Variants in LTV1 observed in about 807,000 individuals in gnomAD.
LTV1 encodes LTV1 ribosome biogenesis factor, also known as protein LTV1 homolog.
In LTV1, 39 loss-of-function variants were observed where a neutral mutation model predicts 59.9. The ratio of observed to expected loss-of-function variants is 0.65; its 90% confidence interval spans 0.50 to 0.85. The LOEUF is 0.85. Ranked by LOEUF, LTV1 falls within the 40% of genes least tolerant of loss-of-function variation. LTV1 has a pLI of 0.00. For missense variants in LTV1, 493 were observed against 549.1 expected, an observed-to-expected ratio of 0.90 and a Z score of 1.02; for synonymous variants, 171 against 189.5, an observed-to-expected ratio of 0.90 and a Z score of 0.80.
rs1373181434 is a variant in LTV1 at position 143,844,529 on chromosome 6, T to C, written c.47T>C (p.Val16Ala). The C allele has an allele frequency of 6.2e-7, 1 of 1,614,120 alleles. No individual in the cohort carries two copies. The highest frequency in any genetic ancestry group is 2.2e-5 in the East Asian group (1 of 44,880). ...CCCTTTATAGAGAAGAAGAAAGCTG[T>C]GTCTTTTCACTTGGTCCACCGGAGC... ...KKPFIEKKKA[V>A]SFHLVHRSQR... The change falls in exon 2 of 11, where the codon GTG becomes GCG. Residue 16 changes from valine to alanine, a missense_variant. Physicochemically the swap from Val to Ala is moderately conservative, Grantham distance 64. Transcript: ENST00000367576.
rs888874891 is a variant in LTV1, at chr6:143,855,206, T to G, written c.398-2097T>G. ...TTCCCTTTACTATTATGTAATGCCC[T>G]TCTTTGTGTTTTTTGATCTTTGTTG... is the stretch of plus-strand genomic sequence containing the variant. On this transcript the variant is annotated intron_variant, in intron 4 of 10. Transcript: ENST00000367576. This position sits in a 1 kb window ranked among gnomAD's most constrained non-coding sequence, Gnocchi z 4.6. Among the ~76,000 whole-genome samples the G allele has an allele frequency of 6.6e-6, 1 of 152,200 alleles. No individual in the cohort carries two copies. The highest frequency in any genetic ancestry group is 2.4e-5 in the African/African-American group (1 of 41,444).
At chr6:143,853,400 A>T (rs531839884) in intron 4 of LTV1, among the ~76,000 whole-genome samples, 1 of 152,270 alleles carries the variant, frequency 6.6e-6, no homozygotes, top group South Asian at 2.1e-4. Flanking sequence ...ATAGACAGTG[A>T]TGTTAATCTG....
At position 143,855,926 on chromosome 6, in the gene LTV1, G is replaced by C. The variant is rs1359673946; in HGVS notation, c.398-1377G>C. ...GAATCTGACGATTATGTGTCTTGGG[G>C]TTGCTCTTCTCGAGGAGTATCTTTG... On this transcript the variant is annotated intron_variant, in intron 4 of 10. Transcript: ENST00000367576. The surrounding 1 kb of genome is among the most constrained non-coding windows in gnomAD (Gnocchi z 4.6). Among the ~76,000 whole-genome samples, 1 of 151,938 alleles carries C rather than the reference G, an allele frequency of 6.6e-6. No homozygotes were observed. Among genetic ancestry groups the C allele is most frequent in the Non-Finnish European group, 1.5e-5 (1 of 67,994 alleles).
intron 3 of LTV1, among the ~76,000 whole-genome samples, chr6:143,848,638 A>G (rs547169332): frequency 2.6e-5 from 4 of 152,180 alleles, no homozygotes; most frequent in Non-Finnish European, 5.9e-5. Flanking sequence ...CACGTTATGA[A>G]CTGTTTGGTC....
At chr6:143,856,763 G>A (rs917230601) in intron 4 of LTV1, among the ~76,000 whole-genome samples, 11 of 152,206 alleles carry the variant, frequency 7.2e-5, no homozygotes, top group Admixed American at 7.2e-4. Flanking sequence ...ACCAGCAGAG[G>A]CTGCAGAACA....
At chr6:143,854,209 T>A (rs1344480322) in intron 4 of LTV1, among the ~76,000 whole-genome samples, 1 of 152,230 alleles carries the variant, frequency 6.6e-6, no homozygotes, top group African/African-American at 2.4e-5. Context: ...TTTATCCATT[T>A]CTTCTAGATT....
At chr6:143,858,107 A>G (rs1777109509) in intron 6 of LTV1, 100 bp downstream of exon 6, 1 of 1,083,604 alleles carries the variant, frequency 9.2e-7, no homozygotes, top group Admixed American at 2.1e-5. Context: ...CTCACCAACC[A>G]CAAAGTCAAT....
rs78987292 is a variant in LTV1 at position 143,848,870 on chromosome 6, C to G, written c.310-1261C>G. Among the ~76,000 whole-genome samples the G allele has an allele frequency of 8.8e-3, 1,341 of 152,304 alleles. 20 individuals carry two copies. Among genetic ancestry groups the G allele is most frequent in the African/African-American group, 0.031 (1,292 of 41,550 alleles). ...AACATTTTCAGTCAGGCTGCCGAGA[C>G]AGTGAGCACTGTGGTTCCGTGTCAG... On this transcript the variant is annotated intron_variant, in intron 3 of 10. Coordinates refer to ENST00000367576, the MANE Select transcript of LTV1 (RefSeq NM_032860.5).
rs1291403433 is a variant in LTV1 at position 143,857,610 on chromosome 6, A to G, written c.540-142A>G. 2.7e-6 allele frequency: 3 copies of G among 1,116,068 alleles called. No homozygotes were observed. The highest frequency in any genetic ancestry group is 3.1e-5 in the African/African-American group (2 of 63,832). The allele number at this position is 1,116,068 out of a possible 1,614,324, so 69.1% of individuals were successfully genotyped here. A position where few individuals can be genotyped will look rare whatever the true frequency, so the allele number is the denominator to read the frequency against. ...TGAGATTCATTGCTTTTCCTACCAA[A>G]CCAGATTGATCAAACACCCTCACTC... On this transcript the variant is annotated intron_variant, in intron 5 of 10. Coordinates refer to ENST00000367576, the MANE Select transcript of LTV1 (RefSeq NM_032860.5). This position sits in a 1 kb window ranked among gnomAD's most constrained non-coding sequence, Gnocchi z 5.2.
chr6:143,846,236 C>A lies in LTV1; in HGVS notation c.309+12C>A, dbSNP rs749948595. 279 of 1,603,052 alleles carry A rather than the reference C, an allele frequency of 1.7e-4. No homozygotes were observed. In the Admixed American group the frequency reaches 4.6e-3, roughly 27 times the overall value. On this transcript the variant is annotated intron_variant, in intron 3 of 10. Transcript: ENST00000367576. The stretch of plus-strand genomic sequence containing the variant: ...CGCTAGTAATTCCAGTAAGGCTTTT[C>A]AGCAATTTAATTGTGGGAGTGAGGT...
At chr6:143,859,350 C>A (rs1777126088) in intron 6 of LTV1, among the ~76,000 whole-genome samples, 1 of 152,172 alleles carries the variant, frequency 6.6e-6, no homozygotes, top group Non-Finnish European at 1.5e-5. Context: ...CTCCTAACAT[C>A]ATCTCTAATG....
chr6:143,844,533 T>C lies in LTV1; in HGVS notation c.51T>C (p.Ser17=). Residue 17 remains serine (S), a synonymous_variant, in exon 2 of 11, where the codon TCT becomes TCC. Coordinates refer to ENST00000367576, the MANE Select transcript of LTV1 (RefSeq NM_032860.5). ...TTATAGAGAAGAAGAAAGCTGTGTC[T>C]TTTCACTTGGTCCACCGGAGCCAAC... ...KPFIEKKKAV[S]FHLVHRSQRD... 6.2e-7 allele frequency: 1 copy of C among 1,614,132 alleles called. No individual in the cohort carries two copies. The highest frequency in any genetic ancestry group is 8.5e-7 in the Non-Finnish European group (1 of 1,180,006).
At chr6:143,844,273 G>A (rs1383987762) in intron 1 of LTV1, among the ~76,000 whole-genome samples, 2 of 152,192 alleles carry the variant, frequency 1.3e-5, no homozygotes, top group African/African-American at 2.4e-5. Flanking sequence ...CCCATAACAA[G>A]GTCTGGCACA....
At chr6:143,843,789 A>G (rs914406999) in intron 1 of LTV1, among the ~76,000 whole-genome samples, 3 of 151,838 alleles carry the variant, frequency 2.0e-5, no homozygotes, top group Non-Finnish European at 2.9e-5. Flanking sequence ...CAAACGCGCA[A>G]CCCTGTGCTT....
chr6:143,849,506 G>T (rs1776947450), intron 3 of LTV1, among the ~76,000 whole-genome samples: 1 of 152,158 alleles, frequency 6.6e-6, no homozygotes, highest in Non-Finnish European at 1.5e-5. Context: ...GTAAAACATG[G>T]TGATACCTCA....
At chr6:143,860,208 C>G (rs998070413) in intron 6 of LTV1, among the ~76,000 whole-genome samples, 1 of 152,140 alleles carries the variant, frequency 6.6e-6, no homozygotes, top group Non-Finnish European at 1.5e-5. Flanking sequence ...TAAATGGAAG[C>G]CTATTTTTAG....
Position 143,862,921 on chromosome 6 carries a change from T to G in LTV1, c.1116+25T>G, listed in dbSNP as rs768131855. On this transcript the variant is annotated intron_variant, in intron 9 of 10. Coordinates refer to ENST00000367576, the MANE Select transcript of LTV1 (RefSeq NM_032860.5). This position sits in a 1 kb window ranked among gnomAD's most constrained non-coding sequence, Gnocchi z 4.2. ...GGTAAGTCCTAGTGTGCTGAGCTAT[T>G]TGAAGGATGCAGTGCATAAAAAATA... 16 of 1,558,860 alleles carry G rather than the reference T, an allele frequency of 1.0e-5. No individual in the cohort carries two copies. The Admixed American group carries it at 2.7e-4, about 26-fold the overall frequency.
chr6:143,845,916 T>C, intron 2 of LTV1, 135 bp from the exon 3 acceptor site: 1 of 696,228 alleles, frequency 1.4e-6, no homozygotes, highest in Non-Finnish European at 2.3e-6. Flanking sequence ...TCAGCCAAAA[T>C]GTTCATGTGC....
rs753891383 is a variant in LTV1 at position 143,860,437 on chromosome 6, A to G, written c.807A>G (p.Gln269=). The change falls in exon 7 of 11, where the codon CAA becomes CAG. Residue 269 remains glutamine, a synonymous_variant. Coordinates refer to ENST00000367576, the MANE Select transcript of LTV1 (RefSeq NM_032860.5). ...TGTTTATATTCAAGTTTTATGAGCA[A>G]TATGATGATGATGAAATTGGAGCTC... ...HDERFEKFYE[Q]YDDDEIGALD... is the part of the protein sequence containing the mutation. The G allele has an allele frequency of 1.2e-5, 19 of 1,613,298 alleles. No homozygotes were observed. Among genetic ancestry groups the G allele is most frequent in the Middle Eastern group, 1.7e-4 (1 of 6,056 alleles).
Sources: allele counts gnomAD v4.1 joint callset (sites outside exome capture counted in the v4.1 genomes callset), GRCh38; gene constraint gnomAD v4.1.1; non-coding constraint Gnocchi (gnomAD v3.1); transcripts MANE v1.5; gene names NCBI Gene and HGNC (gene_info 2026-07-23, HGNC 2026-07-21).